Variants in BMAL1 observed in about 807,000 individuals in gnomAD.
The protein encoded by BMAL1 is basic helix-loop-helix ARNT-like protein 1.
At chr11:13,303,071 A>T in the BMAL1 span, among the ~76,000 whole-genome samples, 1 of 152,192 alleles carries the variant, frequency 6.6e-6, no homozygotes, top group East Asian at 1.9e-4. Flanking sequence ...GATCTTAATT[A>T]TTCCCAATTT....
chr11:13,348,424 G>A, the BMAL1 span, among the ~76,000 whole-genome samples: 1 of 152,146 alleles, frequency 6.6e-6, no homozygotes, highest in Non-Finnish European at 1.5e-5. Flanking sequence ...CAGTGGAGAG[G>A]GGATGGGGCT....
chr11:13,342,446 C>T, the BMAL1 span, among the ~76,000 whole-genome samples: 1 of 152,088 alleles, frequency 6.6e-6, no homozygotes, highest in Non-Finnish European at 1.5e-5. Context: ...GGCATGGTTC[C>T]CCTAGTGTGC....
the BMAL1 span, chr11:13,356,679 TAAG>T: frequency 3.1e-5 from 50 of 1,596,734 alleles, no homozygotes; most frequent in South Asian, 4.2e-4. Flanking sequence ...TGTCTTATGA[TAAG>T]AAGCTCTTCT....
At chr11:13,337,438 A>G in the BMAL1 span, among the ~76,000 whole-genome samples, 1 of 152,216 alleles carries the variant, frequency 6.6e-6, no homozygotes, top group Non-Finnish European at 1.5e-5. Context: ...CTATTGATAT[A>G]TTAACAGATG....
the BMAL1 span, among the ~76,000 whole-genome samples, chr11:13,343,411 C>A: frequency 2.0e-5 from 3 of 152,224 alleles, no homozygotes; most frequent in African/African-American, 7.2e-5. Context: ...TCTCCTCGAT[C>A]TGCTTGCCCA....
chr11:13,340,563 C>G, the BMAL1 span, among the ~76,000 whole-genome samples: 1 of 152,286 alleles, frequency 6.6e-6, no homozygotes, highest in African/African-American at 2.4e-5. Flanking sequence ...ATGCTTCCTG[C>G]TATGAAATGC....
At chr11:13,360,315 A>T in the BMAL1 span, 1 of 1,582,120 alleles carries the variant, frequency 6.3e-7, no homozygotes, top group Non-Finnish European at 8.7e-7. Context: ...AATATCAAGT[A>T]TACCAATTCT....
chr11:13,304,428 C>T, the BMAL1 span, among the ~76,000 whole-genome samples: 1 of 152,222 alleles, frequency 6.6e-6, no homozygotes, highest in African/African-American at 2.4e-5. Context: ...ATTAGTCTCA[C>T]TTCCTACCCT....
chr11:13,358,527 G>A, the BMAL1 span: 5 of 1,613,400 alleles, frequency 3.1e-6, no homozygotes, highest in Non-Finnish European at 4.2e-6. Flanking sequence ...GCAACGCAAT[G>A]TCCAGGAAAT....
the BMAL1 span, among the ~76,000 whole-genome samples, chr11:13,301,287 C>G: frequency 6.6e-6 from 1 of 152,138 alleles, no homozygotes; most frequent in Admixed American, 6.5e-5. Context: ...TAGACTTGGG[C>G]TGTAAGCTTT....
the BMAL1 span, among the ~76,000 whole-genome samples, chr11:13,322,210 G>A: frequency 3.3e-5 from 5 of 152,168 alleles, no homozygotes; most frequent in Non-Finnish European, 5.9e-5. Flanking sequence ...GAGAAGGAAC[G>A]TCGGCTTCCT....
the BMAL1 span, among the ~76,000 whole-genome samples, chr11:13,354,128 G>C: frequency 6.6e-6 from 1 of 152,266 alleles, no homozygotes; most frequent in African/African-American, 2.4e-5. Context: ...TCTATCACAT[G>C]CCTGTTCTGG....
the BMAL1 span, chr11:13,356,727 T>G: frequency 4.3e-6 from 7 of 1,614,132 alleles, no homozygotes; most frequent in Non-Finnish European, 5.9e-6. Context: ...ACATTCTCTT[T>G]TGTTTTTTCA....
chr11:13,337,056 T>C, the BMAL1 span, among the ~76,000 whole-genome samples: 1 of 152,200 alleles, frequency 6.6e-6, no homozygotes, highest in African/African-American at 2.4e-5. Flanking sequence ...GGTAGAGAAA[T>C]TGAAAGATGA....
At chr11:13,335,093 T>A in the BMAL1 span, among the ~76,000 whole-genome samples, 1 of 152,162 alleles carries the variant, frequency 6.6e-6, no homozygotes, top group East Asian at 1.9e-4. Flanking sequence ...CTGGATAAAA[T>A]CTGGTTCTAC....
the BMAL1 span, among the ~76,000 whole-genome samples, chr11:13,333,106 A>G: frequency 1.1e-3 from 171 of 152,056 alleles, no homozygotes; most frequent in African/African-American, 3.7e-3. Context: ...AGCTGGGATT[A>G]CAGGTACATG....
chr11:13,309,294 C>T, the BMAL1 span, among the ~76,000 whole-genome samples: 1 of 151,998 alleles, frequency 6.6e-6, no homozygotes, highest in Non-Finnish European at 1.5e-5. Context: ...ATGGTAGGGT[C>T]TATCGGGGGA....
At chr11:13,291,863 G>A in the BMAL1 span, among the ~76,000 whole-genome samples, 41 of 152,328 alleles carry the variant, frequency 2.7e-4, no homozygotes, top group East Asian at 3.3e-3. Context: ...TGGTCCAACA[G>A]CTTTAAAAAT....
the BMAL1 span, among the ~76,000 whole-genome samples, chr11:13,286,580 C>T: frequency 6.6e-6 from 1 of 152,196 alleles, no homozygotes; most frequent in Admixed American, 6.5e-5. Context: ...ATGGCTGCCT[C>T]TGATTTCTTC....
Sources: gnomAD v4.1 joint callset for allele counts (sites outside exome capture counted in the v4.1 genomes callset) on GRCh38, gnomAD v4.1.1 for gene constraint, MANE v1.5 for transcripts, NCBI Gene and HGNC (gene_info 2026-07-23, HGNC 2026-07-21) for gene names.